The following SHANK2 variants were observed in gnomAD, a reference collection of about 807,000 sequenced individuals.
SHANK2 encodes SH3 and multiple ankyrin repeat domains 2, also known as SH3 and multiple ankyrin repeat domains protein 2.
SHANK2 carries 43 observed loss-of-function variants against 133.7 expected under a neutral mutation model. The ratio of observed to expected loss-of-function variants is 0.32; its 90% confidence interval spans 0.25 to 0.41. The LOEUF is 0.41. Among genes scored for constraint, SHANK2 ranks in the 10% least tolerant of loss-of-function variants. The pLI, the probability that SHANK2 is intolerant of heterozygous loss-of-function variation, is 1.00. For missense variants in SHANK2, 1,994 were observed against 2,235.8 expected (o/e 0.89, Z 2.18); for synonymous variants, 1,017 against 952.8 (o/e 1.07, Z -1.24).
At chr11:70,529,771 T>C (rs916936924) in intron 17 of SHANK2, among the ~76,000 whole-genome samples, 1 of 152,220 alleles carries the variant, frequency 6.6e-6, no homozygotes, top group African/African-American at 2.4e-5. Context: ...GCATTTCATG[T>C]GAAAGGAATC....
intron 9 of SHANK2, 104 bp downstream of exon 9, chr11:71,075,055 G>C (rs1029991403): frequency 6.4e-6 from 1 of 155,918 alleles, no homozygotes; most frequent in African/African-American, 2.4e-5. Context: ...TGGGATTACA[G>C]GCATGAGCCA....
chr11:70,839,954 A>G (rs561489113), intron 11 of SHANK2, among the ~76,000 whole-genome samples: 2 of 152,320 alleles, frequency 1.3e-5, no homozygotes, highest in Non-Finnish European at 2.9e-5. Flanking sequence ...AAGTCTAGGA[A>G]GAACCAAAAC....
Position 70,471,589 on chromosome 11 carries a change from C to T in SHANK2, c.*1280G>A. The T allele has an allele frequency of 7.6e-6, 3 of 395,042 alleles. No homozygotes were observed. Among genetic ancestry groups the T allele is most frequent in the Non-Finnish European group, 1.3e-5 (3 of 224,428 alleles). The allele number at this position is 395,042 out of a possible 1,614,324, so 24.5% of individuals were successfully genotyped here. ...CTTTCACTCTGATCCTGCCGCCCAC[C>T]TTCTGTTCTCAACCCTGGGTTCTGT... On this transcript the variant is annotated 3_prime_UTR_variant, in exon 26 of 26. Transcript: ENST00000601538. This position sits in a 1 kb window ranked among gnomAD's most constrained non-coding sequence, Gnocchi z 4.1.
At chr11:70,583,486 C>T (rs1184946237) in intron 17 of SHANK2, among the ~76,000 whole-genome samples, 2 of 152,204 alleles carry the variant, frequency 1.3e-5, no homozygotes, top group African/African-American at 4.8e-5. Context: ...TGAATACTGG[C>T]AGGTGCGATT....
intron 2 of SHANK2, among the ~76,000 whole-genome samples, chr11:71,153,707 C>CT (rs1330276562): frequency 6.6e-6 from 1 of 152,238 alleles, no homozygotes; most frequent in Non-Finnish European, 1.5e-5. Flanking sequence ...TGGCTCACGC[C>CT]TGTAATCCCC....
chr11:70,837,756 C>T (rs1297635608), intron 11 of SHANK2, among the ~76,000 whole-genome samples: 1 of 151,872 alleles, frequency 6.6e-6, no homozygotes, highest in Admixed American at 6.6e-5. Flanking sequence ...AGGCAGATCA[C>T]TTGAGGTCAA....
chr11:71,197,875 G>C (rs1178847745), intron 2 of SHANK2, among the ~76,000 whole-genome samples: 5 of 152,162 alleles, frequency 3.3e-5, no homozygotes, highest in Non-Finnish European at 4.4e-5. Context: ...CAGCCCCACG[G>C]AAAGGGCATT....
At chr11:70,651,642 AC>A (rs2061340498) in intron 17 of SHANK2, among the ~76,000 whole-genome samples, 1 of 152,196 alleles carries the variant, frequency 6.6e-6, no homozygotes, top group Admixed American at 6.5e-5. Flanking sequence ...GATCCTGACG[AC>A]ACGGTGAGAA....
intron 17 of SHANK2, among the ~76,000 whole-genome samples, chr11:70,556,491 C>G (rs1554979631): frequency 6.6e-6 from 1 of 151,938 alleles, no homozygotes; most frequent in East Asian, 1.9e-4. Flanking sequence ...GCACAGTTCA[C>G]TGTAGCCTCA....
chr11:71,233,439 C>T lies in SHANK2; in HGVS notation c.-112-8643G>A, dbSNP rs143795510. ...TGGGCAAACTCACCAAGACGGGAGA[C>T]AGATTAGTCGTTGCCAGGGGCTGGG... On this transcript the variant is annotated intron_variant, in intron 1 of 25. Transcript: ENST00000601538. Among the ~76,000 whole-genome samples the T allele has an allele frequency of 3.9e-5, 6 of 152,172 alleles. No individual in the cohort carries two copies. In the East Asian group the frequency reaches 9.7e-4, roughly 24 times the overall value.
intron 14 of SHANK2, among the ~76,000 whole-genome samples, chr11:70,711,540 C>T (rs1418881193): frequency 1.3e-5 from 2 of 152,252 alleles, no homozygotes; most frequent in African/African-American, 4.8e-5. Flanking sequence ...GGCAGCAGTG[C>T]CGCAGGCAGG....
chr11:70,818,086 G>GA (rs1452912650), intron 12 of SHANK2, among the ~76,000 whole-genome samples: 10 of 152,148 alleles, frequency 6.6e-5, no homozygotes, highest in African/African-American at 2.2e-4. Context: ...ACCTGCCCAA[G>GA]GTTATGCAGC....
chr11:70,741,283 T>C (rs868957474), intron 14 of SHANK2, among the ~76,000 whole-genome samples: 11 of 121,992 alleles, frequency 9.0e-5, no homozygotes, highest in Admixed American at 3.1e-4. Flanking sequence ...ATCCATCCAT[T>C]CATCCATCCG....
chr11:71,212,975 A>G (rs937254045), intron 2 of SHANK2, among the ~76,000 whole-genome samples: 4 of 150,668 alleles, frequency 2.7e-5, no homozygotes, highest in African/African-American at 9.8e-5. Context: ...CAGGGAGAGG[A>G]GCAGGGACCC....
intron 3 of SHANK2, among the ~76,000 whole-genome samples, chr11:71,136,338 G>T (rs10897641): frequency 0.13 from 19,379 of 152,116 alleles, 3,224 homozygotes; most frequent in African/African-American, 0.39. Flanking sequence ...GTCTTTTGCA[G>T]CAACAGGGAT....
At chr11:71,069,918 T>C (rs1229528860) in intron 9 of SHANK2, among the ~76,000 whole-genome samples, 24 of 152,322 alleles carry the variant, frequency 1.6e-4, no homozygotes, top group African/African-American at 5.3e-4. Context: ...CCCTTTCTGC[T>C]TAAAGTTGCT....
At chr11:71,156,539 T>C (rs1952909533) in intron 2 of SHANK2, among the ~76,000 whole-genome samples, 1 of 152,148 alleles carries the variant, frequency 6.6e-6, no homozygotes, top group South Asian at 2.1e-4. Context: ...CAAGCTCCCC[T>C]TCCTCTCACC....
Position 71,109,934 on chromosome 11 carries a change from T to C in SHANK2, c.592+7A>G, listed in dbSNP as rs1555098785. On this transcript the variant is annotated splice_region_variant and intron_variant, in intron 6 of 25. Transcript: ENST00000601538. ...GCCTGGTAAGGTCCCCTCTAGCAAG[T>C]GCTCACCTCCGGTCTCCGGGTCGTG... 1 of 1,540,322 alleles carries C rather than the reference T, an allele frequency of 6.5e-7. No individual in the cohort carries two copies. Among genetic ancestry groups the C allele is most frequent in the Non-Finnish European group, 8.8e-7 (1 of 1,136,548 alleles).
At chr11:70,797,832 T>TACACACACACACACACAC (rs368707688) in intron 14 of SHANK2, among the ~76,000 whole-genome samples, 3 of 141,944 alleles carry the variant, frequency 2.1e-5, no homozygotes, top group African/African-American at 7.9e-5. Flanking sequence ...TCCACTCTCA[T>TACACACACACACACACAC]ACACACACAC....
Sources: allele counts gnomAD v4.1 joint callset (sites outside exome capture counted in the v4.1 genomes callset), GRCh38; gene constraint gnomAD v4.1.1; non-coding constraint Gnocchi (gnomAD v3.1); transcripts MANE v1.5; gene names NCBI Gene and HGNC (gene_info 2026-07-23, HGNC 2026-07-21).